The following CSTPP1 variants were observed in gnomAD, a reference collection of about 807,000 sequenced individuals.
The protein encoded by CSTPP1 is UPF0705 protein C11orf49.
the CSTPP1 span, among the ~76,000 whole-genome samples, chr11:47,061,076 C>G: frequency 6.6e-6 from 1 of 152,148 alleles, no homozygotes; most frequent in Non-Finnish European, 1.5e-5. Context: ...TTATCCCTCT[C>G]TTGCTTTTTT....
At chr11:47,139,645 A>G in the CSTPP1 span, among the ~76,000 whole-genome samples, 1 of 151,242 alleles carries the variant, frequency 6.6e-6, no homozygotes, top group South Asian at 2.1e-4. Context: ...GCACTCCAGC[A>G]TGGGGGACAG....
chr11:47,024,853 TA>T, the CSTPP1 span, among the ~76,000 whole-genome samples: 1 of 152,152 alleles, frequency 6.6e-6, no homozygotes, highest in Admixed American at 6.5e-5. Context: ...TTCTGCCTGC[TA>T]CCTAGAGGTC....
the CSTPP1 span, among the ~76,000 whole-genome samples, chr11:46,941,837 G>A: frequency 6.6e-6 from 1 of 152,188 alleles, no homozygotes; most frequent in African/African-American, 2.4e-5. Context: ...AGACTGGAAA[G>A]CCCTAGGCAT....
chr11:47,140,327 C>T, the CSTPP1 span, among the ~76,000 whole-genome samples: 5 of 150,836 alleles, frequency 3.3e-5, no homozygotes, highest in Admixed American at 6.6e-5. Context: ...GGGAGATTAT[C>T]TCTTGTAATT....
the CSTPP1 span, among the ~76,000 whole-genome samples, chr11:47,021,107 G>T: frequency 2.0e-5 from 3 of 152,148 alleles, no homozygotes; most frequent in Non-Finnish European, 2.9e-5. Flanking sequence ...GCTTATTGCG[G>T]TCATTGTTGT....
At chr11:46,936,966 G>A in the CSTPP1 span, 2 of 1,279,492 alleles carry the variant, frequency 1.6e-6, no homozygotes, top group Non-Finnish European at 2.0e-6. Flanking sequence ...GTATGGGGAG[G>A]GGCGGAGAGG....
At chr11:47,121,351 G>A in the CSTPP1 span, among the ~76,000 whole-genome samples, 1 of 152,156 alleles carries the variant, frequency 6.6e-6, no homozygotes, top group Non-Finnish European at 1.5e-5. Context: ...GCTTTTGTAT[G>A]TGGACTTCAT....
At chr11:47,106,955 T>C in the CSTPP1 span, among the ~76,000 whole-genome samples, 1 of 152,164 alleles carries the variant, frequency 6.6e-6, no homozygotes, top group Non-Finnish European at 1.5e-5. Context: ...TGCCTTCTTA[T>C]GGCCAAACAA....
the CSTPP1 span, among the ~76,000 whole-genome samples, chr11:46,979,780 G>A: frequency 6.6e-6 from 1 of 152,196 alleles, no homozygotes; most frequent in African/African-American, 2.4e-5. Flanking sequence ...GAGCATGGTG[G>A]CGGGCGCCTG....
At chr11:47,057,757 T>C in the CSTPP1 span, among the ~76,000 whole-genome samples, 1 of 152,200 alleles carries the variant, frequency 6.6e-6, no homozygotes, top group Admixed American at 6.5e-5. Context: ...ATTCTGCATA[T>C]GTGTGGGCTG....
the CSTPP1 span, among the ~76,000 whole-genome samples, chr11:47,045,708 A>G: frequency 1.3e-5 from 2 of 152,194 alleles, no homozygotes; most frequent in Non-Finnish European, 2.9e-5. Flanking sequence ...AACAGTAGTG[A>G]GCATGAAAAT....
At chr11:47,162,309 T>G in the CSTPP1 span, 3 of 961,248 alleles carry the variant, frequency 3.1e-6, no homozygotes. Flanking sequence ...GGGTTTTCGG[T>G]GCTTTTCTGG....
chr11:46,994,244 C>G, the CSTPP1 span, among the ~76,000 whole-genome samples: 2 of 152,182 alleles, frequency 1.3e-5, no homozygotes, highest in Non-Finnish European at 2.9e-5. Flanking sequence ...TTGACTTCCT[C>G]TTTTCCTAAT....
the CSTPP1 span, among the ~76,000 whole-genome samples, chr11:47,074,501 GAAA>G: frequency 3.0e-4 from 34 of 115,192 alleles, no homozygotes; most frequent in Non-Finnish European, 4.3e-4. Context: ...TCCTGTCTCA[GAAA>G]AAAAAAAAAA....
chr11:47,129,347 G>A, the CSTPP1 span, among the ~76,000 whole-genome samples: 1 of 152,134 alleles, frequency 6.6e-6, no homozygotes, highest in Admixed American at 6.6e-5. Flanking sequence ...CTACATTCTA[G>A]TGTCCAAAAC....
At chr11:47,031,276 G>C in the CSTPP1 span, among the ~76,000 whole-genome samples, 5 of 152,166 alleles carry the variant, frequency 3.3e-5, no homozygotes, top group African/African-American at 1.2e-4. Context: ...TTTGTTACTA[G>C]AAGAGAACAT....
chr11:47,140,673 A>G, the CSTPP1 span, among the ~76,000 whole-genome samples: 1 of 119,780 alleles, frequency 8.3e-6, no homozygotes, highest in Non-Finnish European at 1.7e-5. Context: ...TCCTGACCTC[A>G]AAAGATCTGC....
At chr11:47,161,581 A>G in the CSTPP1 span, 3 of 1,614,014 alleles carry the variant, frequency 1.9e-6, no homozygotes, top group Admixed American at 3.3e-5. Flanking sequence ...ATCATTCCCG[A>G]AAAGTGGATG....
chr11:47,081,935 C>CTT, the CSTPP1 span, among the ~76,000 whole-genome samples: 7 of 133,298 alleles, frequency 5.3e-5, no homozygotes, highest in Admixed American at 7.7e-5. Flanking sequence ...ACAAAAAAAC[C>CTT]TTTTTTTTTT....
Sources: gnomAD v4.1 joint callset for allele counts (sites outside exome capture counted in the v4.1 genomes callset) on GRCh38, gnomAD v4.1.1 for gene constraint, MANE v1.5 for transcripts, NCBI Gene and HGNC (gene_info 2026-07-23, HGNC 2026-07-21) for gene names.